Variants in ZNF14 observed in about 807,000 individuals in gnomAD.
ZNF14 encodes zinc finger protein 14.
In ZNF14, 9 loss-of-function variants were observed where a neutral mutation model predicts 11.3. The observed-to-expected ratio is 0.80, with a 90% CI of 0.48 to 1.39. The LOEUF (loss-of-function observed/expected upper bound fraction) is 1.39. ZNF14 is among the 40% of genes most tolerant of loss of function. The pLI is 0.00. For missense variants in ZNF14, 711 were observed against 763.9 expected (o/e 0.93, Z 0.82); for synonymous variants, 239 against 245.7 (o/e 0.97, Z 0.25).
intron 1 of ZNF14, among the ~76,000 whole-genome samples, chr19:19,722,246 C>A (rs531704929): frequency 6.6e-6 from 1 of 152,280 alleles, no homozygotes; most frequent in East Asian, 1.9e-4. Flanking sequence ...TCCAAGATCA[C>A]CTTTAGCCTT....
At position 19,712,291 on chromosome 19, in the gene ZNF14, AGTGT is replaced by A; in HGVS notation, c.986_989del (p.His329LeufsTer376). 6.2e-7 allele frequency: 1 copy of A among 1,614,032 alleles called. No individual in the cohort carries two copies. Among genetic ancestry groups the A allele is most frequent in the Non-Finnish European group, 8.5e-7 (1 of 1,179,994 alleles). ...CTTTACATTTATAAGGTCGAGCCCC[AGTGT>A]GTATTATTACATGTGCTCGAAAGCT... On this transcript the variant is annotated frameshift_variant, in exon 4 of 4. Transcript: ENST00000344099. LOFTEE classifies it low-confidence loss of function (END_TRUNC).
At position 19,727,052 on chromosome 19, in the gene ZNF14, G is replaced by A. The variant is rs762776426; in HGVS notation, c.3+5904C>T. ...CACTTCCCAAGTGAGGCAATGCCCC[G>A]CCCTGCTCCATGGGCTGCACCCACT... On this transcript the variant is annotated intron_variant, in intron 1 of 3. Transcript: ENST00000344099. Among the ~76,000 whole-genome samples the A allele has an allele frequency of 3.7e-5, 5 of 133,478 alleles. 1 individual carries two copies. The highest frequency in any genetic ancestry group is 2.1e-4 in the East Asian group (1 of 4,690). 87.6% of individuals were successfully genotyped at this position (133,478 alleles called of 152,430 possible).
chr19:19,713,075 T>C lies in ZNF14; in HGVS notation c.206A>G (p.Glu69Gly), dbSNP rs928216835. 1 of 1,588,860 alleles carries C rather than the reference T, an allele frequency of 6.3e-7. No individual in the cohort carries two copies. The highest frequency in any genetic ancestry group is 1.4e-5 in the African/African-American group (1 of 73,672). ...ACCTCTTCTACTTTCACAGAGTCTC[T>C]CAACCATATGACATCTGTAAAAAAT... ...QGKNRRCHMV[E>G]RLCESRRGSK... The change falls in exon 4 of 4, where the codon GAG (glutamate) becomes GGG (glycine). Residue 69 changes from glutamate (E) to glycine (G), a missense_variant. Physicochemically the swap from Glu to Gly is moderately conservative, Grantham distance 98. Coordinates refer to ENST00000344099, the MANE Select transcript of ZNF14 (RefSeq NM_021030.3).
chr19:19,731,492 C>G (rs1203725877), intron 1 of ZNF14, among the ~76,000 whole-genome samples: 1 of 151,996 alleles, frequency 6.6e-6, no homozygotes, highest in East Asian at 1.9e-4. Flanking sequence ...AGGAGAACTG[C>G]TTGAACCAGG....
At chr19:19,728,535 A>AC (rs2062413056) in intron 1 of ZNF14, among the ~76,000 whole-genome samples, 1 of 129,188 alleles carries the variant, frequency 7.7e-6, no homozygotes, top group Admixed American at 7.7e-5. Context: ...AAAAAAAAAA[A>AC]ACATATACTG....
Position 19,711,637 on chromosome 19 carries a change from C to G in ZNF14, c.1644G>C (p.Leu548Phe). Residue 548 changes from leucine to phenylalanine, a missense_variant, in exon 4 of 4, where the codon TTG (leucine) becomes TTC (phenylalanine). Leu to Phe is a conservative substitution (Grantham distance 22, BLOSUM62 0). Transcript: ENST00000344099. ...KAFLRSSQIR[L>F]HERTHTGEKP... ...TCTCTCCAGTGTGAGTCCTTTCATGCAATCGAATTTGACTGGAACGAAGGA... is the reference window on the plus strand; with the variant it reads ...TCTCTCCAGTGTGAGTCCTTTCATGGAATCGAATTTGACTGGAACGAAGGA... The G allele has an allele frequency of 6.2e-7, 1 of 1,613,232 alleles. No individual in the cohort carries two copies. Among genetic ancestry groups the G allele is most frequent in the Non-Finnish European group, 8.5e-7 (1 of 1,179,804 alleles).
Position 19,712,313 on chromosome 19 carries a change from C to T in ZNF14, c.968G>A (p.Arg323Gln), listed in dbSNP as rs147048566. ...GKAFFYSASF[R>Q]AHVIIHTGAR... ...CCCAGTGTGTATTATTACATGTGCT[C>T]GAAAGCTTGCAGAATAAAAGAAGGC... The change falls in exon 4 of 4, where the codon CGA (arginine) becomes CAA (glutamine). Residue 323 changes from arginine to glutamine, a missense_variant. Physicochemically the swap from Arg to Gln is conservative, Grantham distance 43 (BLOSUM62 1). Transcript: ENST00000344099. 7.1e-4 allele frequency: 1,146 copies of T among 1,613,674 alleles called. 2 individuals are homozygous for T. The highest frequency in any genetic ancestry group is 8.9e-4 in the Non-Finnish European group (1,056 of 1,179,988).
chr19:19,723,229 CTT>C (rs1235898160), intron 1 of ZNF14, among the ~76,000 whole-genome samples: 1 of 152,094 alleles, frequency 6.6e-6, no homozygotes, highest in African/African-American at 2.4e-5. Flanking sequence ...ATAGATAGCT[CTT>C]ATTATTTTGA....
Position 19,720,337 on chromosome 19 carries a change from A to G in ZNF14, c.4-5850T>C, listed in dbSNP as rs1163317999. ...TAGCCCACATTCTGGAACATAAAAC[A>G]TATCTTTTTTTTTTTTTTTTGAGAT... On this transcript the variant is annotated intron_variant, in intron 1 of 3. Transcript: ENST00000344099. The surrounding 1 kb of genome is among the most constrained non-coding windows in gnomAD (Gnocchi z 4.1). Among the ~76,000 whole-genome samples the G allele has an allele frequency of 6.7e-6, 1 of 148,838 alleles. No homozygotes were observed. Among genetic ancestry groups the G allele is most frequent in the Non-Finnish European group, 1.5e-5 (1 of 66,994 alleles).
chr19:19,722,844 T>C (rs1007241359), intron 1 of ZNF14, among the ~76,000 whole-genome samples: 1 of 152,174 alleles, frequency 6.6e-6, no homozygotes, highest in Non-Finnish European at 1.5e-5. Flanking sequence ...ATTCTCTTTG[T>C]AGCAATTGTG....
At position 19,718,790 on chromosome 19, in the gene ZNF14, T is replaced by C. The variant is rs560171212; in HGVS notation, c.4-4303A>G. 3.3e-5 allele frequency among the ~76,000 whole-genome samples: 5 copies of C among 152,100 alleles called. No individual in the cohort carries two copies. In the East Asian group the frequency reaches 7.7e-4, roughly 24 times the overall value. ...AAGTCAGACTCTTTTTTTTGAGACA[T>C]TGTCACACTCTGTTGCCCAGGCTGG... On this transcript the variant is annotated intron_variant, in intron 1 of 3. Transcript: ENST00000344099.
At chr19:19,723,506 GATTCAAT>G (rs1483840779) in intron 1 of ZNF14, among the ~76,000 whole-genome samples, 5 of 152,130 alleles carry the variant, frequency 3.3e-5, no homozygotes, top group Non-Finnish European at 7.3e-5. Flanking sequence ...TAGGATTTTT[GATTCAAT>G]ATTCGTCAGG....
At chr19:19,731,996 C>A (rs1399734821) in intron 1 of ZNF14, among the ~76,000 whole-genome samples, 1 of 152,068 alleles carries the variant, frequency 6.6e-6, no homozygotes, top group Non-Finnish European at 1.5e-5. Flanking sequence ...ACCTGGGAGG[C>A]GGAGCTTGCA....
intron 1 of ZNF14, among the ~76,000 whole-genome samples, chr19:19,717,367 G>A (rs1261156468): frequency 6.6e-6 from 1 of 152,188 alleles, no homozygotes; most frequent in Non-Finnish European, 1.5e-5. Context: ...TGCATTCCCT[G>A]GGTGTGCCAT....
Position 19,733,049 on chromosome 19 carries a change from T to C in ZNF14, c.-91A>G. 6.5e-7 allele frequency: 1 copy of C among 1,537,792 alleles called. No individual in the cohort carries two copies. The highest frequency in any genetic ancestry group is 1.9e-5 in the Admixed American group (1 of 52,468). On this transcript the variant is annotated 5_prime_UTR_variant, in exon 1 of 4. Coordinates refer to ENST00000344099, the MANE Select transcript of ZNF14 (RefSeq NM_021030.3). ...CGACAAAGGATGCGCTAGAGCCACC[T>C]TCGGCCTTCAGGAGCAGGTGAAACG...
At chr19:19,722,261 A>C (rs1163750417) in intron 1 of ZNF14, among the ~76,000 whole-genome samples, 1 of 152,194 alleles carries the variant, frequency 6.6e-6, no homozygotes, top group East Asian at 1.9e-4. Flanking sequence ...AGCCTTTCTA[A>C]GATCTCCTAT....
intron 1 of ZNF14, 119 bp downstream of exon 1, chr19:19,732,837 C>G: frequency 1.5e-6 from 2 of 1,367,996 alleles, no homozygotes; most frequent in Non-Finnish European, 2.0e-6. Flanking sequence ...GGCCGAACTG[C>G]GCCCGCGGTG....
intron 3 of ZNF14, among the ~76,000 whole-genome samples, chr19:19,713,748 C>CTTTTTTTTTTTTTTTTTTTTT (rs71172526): frequency 2.5e-5 from 3 of 120,196 alleles, no homozygotes; most frequent in Non-Finnish European, 3.5e-5. Context: ...TGTGCCAGGC[C>CTTTTTTTTTTTTTTTTTTTTT]TTTTTTTTTT....
Position 19,714,172 on chromosome 19 carries a change from G to A in ZNF14, c.131-21C>T, listed in dbSNP as rs759997886. The A allele has an allele frequency of 1.9e-6, 3 of 1,609,438 alleles. No homozygotes were observed. The Admixed American group carries it at 5.1e-5, about 27-fold the overall frequency. The stretch of plus-strand genomic sequence containing the variant: ...TTTTCCTAAAATGCATACCCAGAAA[G>A]ACCATTAAAAATTATTAGAAATTAT... On this transcript the variant is annotated intron_variant, in intron 2 of 3. Transcript: ENST00000344099.
Sources: allele counts gnomAD v4.1 joint callset (sites outside exome capture counted in the v4.1 genomes callset), GRCh38; gene constraint gnomAD v4.1.1; non-coding constraint Gnocchi (gnomAD v3.1); transcripts MANE v1.5; gene names NCBI Gene and HGNC (gene_info 2026-07-23, HGNC 2026-07-21).